SLC17A6: variants seen among roughly 807,000 people sequenced by gnomAD.
SLC17A6 encodes vesicular glutamate transporter 2.
In SLC17A6, 35 loss-of-function variants were observed where a neutral mutation model predicts 67.1. That is an observed-to-expected ratio of 0.52 (90% CI 0.40 to 0.69). The LOEUF (loss-of-function observed/expected upper bound fraction) is 0.69. Ranked by LOEUF, SLC17A6 falls within the 30% of genes least tolerant of loss-of-function variation. The pLI, the probability that SLC17A6 is intolerant of heterozygous loss-of-function variation, is 0.00. For missense variants in SLC17A6, 588 were observed against 723.9 expected (o/e 0.81, Z 2.15); for synonymous variants, 285 against 252.3 (o/e 1.13, Z -1.23).
chr11:22,374,959 T>A, intron 9 of SLC17A6, 72 bp downstream of exon 9: 1 of 1,373,978 alleles, frequency 7.3e-7, no homozygotes, highest in South Asian at 1.7e-5. Context: ...GAATAACTTT[T>A]TCTACACATA....
intron 5 of SLC17A6, chr11:22,361,236 G>T: frequency 2.6e-6 from 1 of 378,126 alleles, no homozygotes. Context: ...ATATTCATGG[G>T]TGGTTTTTAT....
chr11:22,370,800 T>A (rs182943173), intron 8 of SLC17A6, among the ~76,000 whole-genome samples: 85 of 152,234 alleles, frequency 5.6e-4, no homozygotes, highest in South Asian at 8.3e-4. Flanking sequence ...TGAAAGTAAG[T>A]TACCAATTAG....
intron 2 of SLC17A6, 87 bp from the exon 3 acceptor site, chr11:22,343,160 G>C: frequency 9.2e-7 from 1 of 1,081,668 alleles, no homozygotes; most frequent in Non-Finnish European, 1.4e-6. Flanking sequence ...AAGCCTTGGG[G>C]GCTTTTTGGC....
chr11:22,365,491 G>A, intron 6 of SLC17A6, 56 bp from the exon 7 acceptor site: 3 of 1,579,354 alleles, frequency 1.9e-6, no homozygotes, highest in Non-Finnish European at 2.6e-6. Context: ...CAGTTTTATT[G>A]CAGCACATCA....
At chr11:22,377,024 C>A (rs879221138) in intron 11 of SLC17A6, among the ~76,000 whole-genome samples, 1 of 151,952 alleles carries the variant, frequency 6.6e-6, no homozygotes, top group Admixed American at 6.6e-5. Context: ...GTCCAAGGAA[C>A]AATATTATCA....
chr11:22,358,793 G>C (rs559756831), intron 3 of SLC17A6, among the ~76,000 whole-genome samples: 43 of 152,282 alleles, frequency 2.8e-4, no homozygotes, highest in Non-Finnish European at 5.6e-4. Flanking sequence ...AAACCTGAGA[G>C]AGATATACTA....
At chr11:22,345,132 G>A (rs1311873348) in intron 3 of SLC17A6, among the ~76,000 whole-genome samples, 1 of 151,196 alleles carries the variant, frequency 6.6e-6, no homozygotes, top group South Asian at 2.1e-4. Flanking sequence ...TTTCCTGCCG[G>A]GAAAAAACAC....
chr11:22,369,949 T>C (rs1856157195), intron 7 of SLC17A6, 90 bp from the exon 8 acceptor site: 4 of 1,262,324 alleles, frequency 3.2e-6, no homozygotes, highest in Non-Finnish European at 2.2e-6. Context: ...ACCTGTCATA[T>C]ACATCCTGAA....
chr11:22,352,828 G>T (rs1382996278), intron 3 of SLC17A6, among the ~76,000 whole-genome samples: 1 of 152,172 alleles, frequency 6.6e-6, no homozygotes, highest in Non-Finnish European at 1.5e-5. Context: ...ATTTAAAAAA[G>T]ACTGTGAATT....
intron 6 of SLC17A6, 131 bp downstream of exon 6, chr11:22,362,956 C>T: frequency 1.5e-6 from 1 of 669,424 alleles, no homozygotes; most frequent in Non-Finnish European, 2.6e-6. Context: ...CTTAAGAATC[C>T]TTCCATTGTA....
intron 6 of SLC17A6, among the ~76,000 whole-genome samples, chr11:22,363,259 G>T (rs1179413834): frequency 6.6e-6 from 1 of 152,042 alleles, no homozygotes; most frequent in Non-Finnish European, 1.5e-5. Context: ...AAAGGGGGTG[G>T]TGGTGCTAAA....
chr11:22,346,623 G>A (rs1006769402), intron 3 of SLC17A6, among the ~76,000 whole-genome samples: 4 of 151,022 alleles, frequency 2.6e-5, no homozygotes, highest in Non-Finnish European at 5.9e-5. Flanking sequence ...GTTTTAAGAT[G>A]AGAACATATT....
At position 22,341,532 on chromosome 11, in the gene SLC17A6, C is replaced by T; in HGVS notation, c.91C>T (p.Leu31=). 6.2e-7 allele frequency: 1 copy of T among 1,613,314 alleles called. No homozygotes were observed. The highest frequency in any genetic ancestry group is 1.1e-5 in the South Asian group (1 of 91,052). ...CGCCCCTGCTCTGCCGCGCAGGGTGCTGGAGAAGAAGCAAGACACCGGGGA... is the reference window on the plus strand; with the variant it reads ...CGCCCCTGCTCTGCCGCGCAGGGTGTTGGAGAAGAAGCAAGACACCGGGGA... ...GKSLGQIYRV[L]EKKQDTGETI... Residue 31 remains leucine (L), a synonymous_variant, in exon 2 of 12, where the codon CTG becomes TTG. Transcript: ENST00000263160.
chr11:22,344,271 C>T (rs958382929), intron 3 of SLC17A6, among the ~76,000 whole-genome samples: 12 of 152,174 alleles, frequency 7.9e-5, no homozygotes, highest in Non-Finnish European at 1.6e-4. Context: ...AACTTCATTC[C>T]TCTTCCTACA....
chr11:22,365,739 C>T (rs747451636), intron 7 of SLC17A6, 50 bp downstream of exon 7: 5 of 1,543,050 alleles, frequency 3.2e-6, no homozygotes, highest in Non-Finnish European at 4.4e-6. Flanking sequence ...CATCTCGCCC[C>T]CATTGACCAA....
intron 2 of SLC17A6, chr11:22,342,922 T>A (rs1203869175): frequency 6.2e-6 from 3 of 483,760 alleles, no homozygotes; most frequent in African/African-American, 3.9e-5. Context: ...GGCTAACAAA[T>A]CTCTTCATGG....
intron 3 of SLC17A6, among the ~76,000 whole-genome samples, chr11:22,356,897 A>G (rs1855998115): frequency 6.6e-6 from 1 of 152,228 alleles, no homozygotes; most frequent in African/African-American, 2.4e-5. Flanking sequence ...AATTAGAAAC[A>G]TTATTCAGAG....
At chr11:22,370,806 A>G (rs1264152661) in intron 8 of SLC17A6, among the ~76,000 whole-genome samples, 1 of 152,154 alleles carries the variant, frequency 6.6e-6, no homozygotes, top group African/African-American at 2.4e-5. Context: ...TAAGTTACCA[A>G]TTAGAATACA....
chr11:22,375,640 C>A (rs1228016804), intron 9 of SLC17A6, among the ~76,000 whole-genome samples: 4 of 151,728 alleles, frequency 2.6e-5, no homozygotes, highest in Admixed American at 2.6e-4. Context: ...GCCACCACAC[C>A]CAGCTAATTT....
Sources: gnomAD v4.1 joint callset for allele counts (sites outside exome capture counted in the v4.1 genomes callset) on GRCh38, gnomAD v4.1.1 for gene constraint, MANE v1.5 for transcripts, NCBI Gene and HGNC (gene_info 2026-07-23, HGNC 2026-07-21) for gene names.